AGAP2: variants seen among roughly 807,000 people sequenced by gnomAD.
AGAP2 encodes the protein arf-GAP with GTPase, ANK repeat and PH domain-containing protein 2.
A neutral mutation model predicts 110.9 loss-of-function variants in AGAP2; 32 were observed. The ratio of observed to expected loss-of-function variants is 0.29; its 90% CI spans 0.22 to 0.39. The LOEUF is 0.39. Ranked by LOEUF, AGAP2 falls within the 10% of genes least tolerant of loss-of-function variation. AGAP2 has a pLI of 1.00. For synonymous variants in AGAP2, 702 were observed against 713.0 expected (o/e 0.98, Z 0.25); for missense variants, 1,285 against 1,638.5 (o/e 0.78, Z 3.72).
chr12:57,738,152 G>C lies in AGAP2; in HGVS notation c.95C>G (p.Pro32Arg). ...VKLESVPPPP[P>R]SPSAAAAGAA... is the part of the protein sequence containing the mutation. ...GCCGGCCGCGGCCGCAGACGGAGAAGGCGGCGGCGGAGGCACCGACTCGAG... is the reference window on the plus strand; with the variant it reads ...GCCGGCCGCGGCCGCAGACGGAGAACGCGGCGGCGGAGGCACCGACTCGAG... The change falls in exon 1 of 19, where the codon CCT becomes CGT. Residue 32 changes from proline (P) to arginine (R), a missense_variant. Physicochemically the swap from Pro to Arg is moderately radical, Grantham distance 103 (BLOSUM62 -2). This residue lies in a region of AGAP2 where 844 missense variants were observed against 941.2 expected (regional missense o/e 0.90). Transcript: ENST00000547588. The surrounding 1 kb of genome is among the most constrained non-coding windows in gnomAD (Gnocchi z 6.7). The C allele has an allele frequency of 6.6e-7, 1 of 1,523,764 alleles. No homozygotes were observed. Among genetic ancestry groups the C allele is most frequent in the Non-Finnish European group, 8.8e-7 (1 of 1,140,806 alleles). The allele number at this position is 1,523,764 out of a possible 1,614,324, so 94.4% of individuals were successfully genotyped here. A position where few individuals can be genotyped will look rare whatever the true frequency, so the allele number is the denominator to read the frequency against.
chr12:57,737,109 G>A lies in AGAP2; in HGVS notation c.1138C>T (p.Leu380=), dbSNP rs1204163161. Residue 380 remains leucine (L), a synonymous_variant, in exon 1 of 19, where the codon CTG becomes TTG. Transcript: ENST00000547588. This position sits in a 1 kb window ranked among gnomAD's most constrained non-coding sequence, Gnocchi z 5.9. The stretch of plus-strand genomic sequence containing the variant: ...GAAGCGCGGAGCTCGGCGCCCAGCA[G>A]CTCCCTGGACCCGCTGCCAGAAGAC... ...SLSSGSGSRE[L]LGAELRASPK... 3.2e-6 allele frequency: 5 copies of A among 1,559,852 alleles called. No homozygotes were observed. Among genetic ancestry groups the A allele is most frequent in the South Asian group, 1.2e-5 (1 of 84,546 alleles).
chr12:57,738,381 TCGC>T lies in AGAP2; in HGVS notation c.-138_-136del. On this transcript the variant is annotated 5_prime_UTR_variant, in exon 1 of 19. Transcript: ENST00000547588. The surrounding 1 kb of genome is among the most constrained non-coding windows in gnomAD (Gnocchi z 6.7). ...CTGAGCCCCCGGCCCGGCTCCGCTGTCGCCGCCGCCTCCGCCGCCTCCGCTTGC... is the reference window on the plus strand; with the variant it reads ...CTGAGCCCCCGGCCCGGCTCCGCTGTCGCCGCCTCCGCCGCCTCCGCTTGC... The T allele has an allele frequency of 8.7e-7, 1 of 1,150,324 alleles. No individual in the cohort carries two copies. The highest frequency in any genetic ancestry group is 1.1e-6 in the Non-Finnish European group (1 of 918,762). The allele number at this position is 1,150,324 out of a possible 1,614,324, so 71.3% of individuals were successfully genotyped here. A position where few individuals can be genotyped will look rare whatever the true frequency, so the allele number is the denominator to read the frequency against.
chr12:57,727,662 G>T lies in AGAP2; in HGVS notation c.2857+19C>A, dbSNP rs754758960. ...ATTCACTACACTCCCTAGCCCCTCC[G>T]CTGCCTCCTGGCACTCACTGGGGGC... On this transcript the variant is annotated intron_variant, in intron 16 of 18. Transcript: ENST00000547588. 7 of 1,598,328 alleles carry T rather than the reference G, an allele frequency of 4.4e-6. No individual in the cohort carries two copies. The highest frequency in any genetic ancestry group is 2.3e-5 in the East Asian group (1 of 44,254).
At chr12:57,740,220 G>T (rs942680682), upstream of AGAP2, among the ~76,000 whole-genome samples, 4 of 152,090 alleles carry the variant, frequency 2.6e-5, no homozygotes, top group Middle Eastern at 3.4e-3. Flanking sequence ...GGCTGAGGGT[G>T]GGGGGGCTGA....
rs367680966 is a variant in AGAP2, at chr12:57,734,178, C to A, written c.1402-5G>T. The stretch of plus-strand genomic sequence containing the variant: ...AGCATCTGCCCAGCCTGAGAACTTG[C>A]GGGGAGTGAGGGAGCAAATGGAAAG... On this transcript the variant is annotated splice_region_variant and splice_polypyrimidine_tract_variant and intron_variant, in intron 4 of 18. Transcript: ENST00000547588. The A allele has an allele frequency of 3.7e-6, 6 of 1,606,350 alleles. No homozygotes were observed. The highest frequency in any genetic ancestry group is 1.7e-4 in the Middle Eastern group (1 of 6,014).
upstream of AGAP2, among the ~76,000 whole-genome samples, chr12:57,741,008 G>T (rs1364144719): frequency 1.3e-5 from 2 of 152,194 alleles, no homozygotes; most frequent in African/African-American, 4.8e-5. Context: ...TGGAAGAAGT[G>T]TTTCCACCAG....
At chr12:57,733,922 TG>T in intron 5 of AGAP2, 103 bp downstream of exon 5, 2 of 1,340,418 alleles carry the variant, frequency 1.5e-6, no homozygotes, top group Non-Finnish European at 2.0e-6. Context: ...ATAATCCAAG[TG>T]GCCATTTCCA....
intron 12 of AGAP2, among the ~76,000 whole-genome samples, chr12:57,730,115 T>A (rs1954855892): frequency 1.2e-5 from 1 of 85,982 alleles, no homozygotes; most frequent in Non-Finnish European, 3.1e-5. Flanking sequence ...TTGCATACTA[T>A]ATATATATAT....
At chr12:57,734,207 G>C (rs761252556) in intron 4 of AGAP2, 34 bp from the exon 5 acceptor site, 8 of 1,604,774 alleles carry the variant, frequency 5.0e-6, no homozygotes, top group Non-Finnish European at 6.8e-6. Context: ...TGGAAAGTCA[G>C]ACAGGTCTAC....
Position 57,735,445 on chromosome 12 carries a change from C to T in AGAP2, c.1169-18G>A, listed in dbSNP as rs1254999577. On this transcript the variant is annotated intron_variant, in intron 1 of 18. Coordinates refer to ENST00000547588, the MANE Select transcript of AGAP2 (RefSeq NM_001122772.3). ...CACAGCCTCTGTAACGGGAGAAGGG[C>T]AGTAAGAGGGGAGGCTCCTGGCTCA... The T allele has an allele frequency of 2.5e-6, 4 of 1,612,394 alleles. No individual in the cohort carries two copies. The highest frequency in any genetic ancestry group is 3.4e-6 in the Non-Finnish European group (4 of 1,179,388).
intron 12 of AGAP2, 118 bp from the exon 13 acceptor site, chr12:57,729,885 T>C: frequency 1.4e-6 from 2 of 1,411,018 alleles, no homozygotes; most frequent in East Asian, 4.9e-5. Context: ...TCCTCAACTG[T>C]CCCTCTCCAG....
chr12:57,729,843 C>T, intron 12 of AGAP2, 76 bp from the exon 13 acceptor site: 1 of 1,526,668 alleles, frequency 6.6e-7, no homozygotes, highest in Non-Finnish European at 8.8e-7. Flanking sequence ...TGTCTCATTC[C>T]CTGAACTAGC....
rs1218376067 is a variant in AGAP2, at chr12:57,737,360, G to A, written c.887C>T (p.Pro296Leu). 3.1e-6 allele frequency: 5 copies of A among 1,613,756 alleles called. No individual in the cohort carries two copies. Among genetic ancestry groups the A allele is most frequent in the Non-Finnish European group, 4.2e-6 (5 of 1,179,836 alleles). Residue 296 changes from proline (P) to leucine (L), a missense_variant, in exon 1 of 19, where the codon CCA becomes CTA. This residue lies in a region of AGAP2 where 844 missense variants were observed against 941.2 expected (regional missense o/e 0.90). Coordinates refer to ENST00000547588, the MANE Select transcript of AGAP2 (RefSeq NM_001122772.3). This position sits in a 1 kb window ranked among gnomAD's most constrained non-coding sequence, Gnocchi z 5.9. The stretch of plus-strand genomic sequence containing the variant: ...AGCAGTGGCTGGACTCGGAGTTGGT[G>A]GGAGGGTTAGCGGAGGAGGAGAGCC... ...PAGSPPPLTLPPTPSPATAVT... is the reference protein window; with the variant it reads ...PAGSPPPLTLLPTPSPATAVT...
chr12:57,730,620 G>A lies in AGAP2; in HGVS notation c.2309-6C>T, dbSNP rs770747212. Reference sequence around the variant, plus strand: ...TGGCATGGGAGTAGTGGCTTCTGTCGGAAGAAGATGAAACCTCAGTGAGCC... The same window carrying A: ...TGGCATGGGAGTAGTGGCTTCTGTCAGAAGAAGATGAAACCTCAGTGAGCC... On this transcript the variant is annotated splice_region_variant and splice_polypyrimidine_tract_variant and intron_variant, in intron 11 of 18. Coordinates refer to ENST00000547588, the MANE Select transcript of AGAP2 (RefSeq NM_001122772.3). 33 of 1,611,502 alleles carry A rather than the reference G, an allele frequency of 2.0e-5. No individual in the cohort carries two copies. The highest frequency in any genetic ancestry group is 3.3e-5 in the South Asian group (3 of 90,936).
At position 57,730,791 on chromosome 12, in the gene AGAP2, C is replaced by A. The variant is rs1239507870; in HGVS notation, c.2308G>T (p.Glu770Ter). The A allele has an allele frequency of 6.2e-7, 1 of 1,613,794 alleles. No individual in the cohort carries two copies. The highest frequency in any genetic ancestry group is 8.5e-7 in the Non-Finnish European group (1 of 1,180,052). Residue 770 changes from glutamate to a stop codon, truncating the protein, a stop_gained and splice_region_variant, in exon 11 of 19, where the codon GAA (glutamate) becomes TAA (stop). Transcript: ENST00000547588. LOFTEE classifies it high-confidence loss of function. The stretch of plus-strand genomic sequence containing the variant: ...CTCCTATGTCATAAACCTTACTCAC[C>A]CAGGCCTTCACCCATCTGGACAGTG... Reference protein sequence around the residue: ...MSTVQMGEGLEATTPMPSPSP... With the variant: ...MSTVQMGEGL
Position 57,737,009 on chromosome 12 carries a change from G to A in AGAP2, c.1168+70C>T. ...AAGCTTCCCTAGTTTCCTGGACCTC[G>A]CTCCTCCACCCCAAGCTGAGCATTC... On this transcript the variant is annotated intron_variant, in intron 1 of 18. Coordinates refer to ENST00000547588, the MANE Select transcript of AGAP2 (RefSeq NM_001122772.3). This position sits in a 1 kb window ranked among gnomAD's most constrained non-coding sequence, Gnocchi z 5.9. The A allele has an allele frequency of 4.1e-6, 6 of 1,447,752 alleles. No individual in the cohort carries two copies. Among genetic ancestry groups the A allele is most frequent in the Non-Finnish European group, 5.5e-6 (6 of 1,098,932 alleles). The allele number at this position is 1,447,752 out of a possible 1,614,324, so 89.7% of individuals were successfully genotyped here. A position where few individuals can be genotyped will look rare whatever the true frequency, so the allele number is the denominator to read the frequency against.
At chr12:57,727,313 C>T in intron 17 of AGAP2, 47 bp downstream of exon 17, 1 of 1,606,420 alleles carries the variant, frequency 6.2e-7, no homozygotes, top group Non-Finnish European at 8.5e-7. Context: ...GTCTCAGGTT[C>T]GCACACCCTC....
At chr12:57,724,378 A>G (rs901452126), downstream of AGAP2, 1 of 152,384 alleles carries the variant, frequency 6.6e-6, no homozygotes, top group Non-Finnish European at 1.5e-5. Context: ...TACCCTGTCC[A>G]GCCCCTCTAC....
rs747185110 is a variant in AGAP2 at position 57,734,061 on chromosome 12, C to T, written c.1514G>A (p.Arg505Gln). ...CACCAGTGCCAAGGCCAGGCCTCCT[C>T]GTCCCTCCCCGCGAAGGGAACTCAG... Reference protein sequence around the residue: ...GQLSSLRGEGRGGLALALVGT... With the variant: ...GQLSSLRGEGQGGLALALVGT... The change falls in exon 5 of 19, where the codon CGA (arginine) becomes CAA (glutamine). Residue 505 changes from arginine to glutamine, a missense_variant. This residue lies in a region of AGAP2 where 844 missense variants were observed against 941.2 expected (regional missense o/e 0.90). Coordinates refer to ENST00000547588, the MANE Select transcript of AGAP2 (RefSeq NM_001122772.3). The T allele has an allele frequency of 2.1e-5, 34 of 1,610,382 alleles. No individual in the cohort carries two copies. The highest frequency in any genetic ancestry group is 2.6e-5 in the Non-Finnish European group (31 of 1,178,116).
Sources: gnomAD v4.1 joint callset for allele counts (sites outside exome capture counted in the v4.1 genomes callset) on GRCh38, gnomAD v4.1.1 for gene constraint, gnomAD v4.1.1 regional missense constraint, Gnocchi (gnomAD v3.1) non-coding constraint, MANE v1.5 for transcripts, NCBI Gene and HGNC (gene_info 2026-07-23, HGNC 2026-07-21) for gene names.